The following KCNC4 variants were observed in gnomAD, a reference collection of about 807,000 sequenced individuals.
KCNC4 encodes the protein voltage-gated potassium channel KCNC4.
A neutral mutation model predicts 42.8 loss-of-function variants in KCNC4; 23 were observed. That is an observed-to-expected ratio of 0.54 (90% CI 0.39 to 0.76). The LOEUF is 0.76. KCNC4 is among the 30% of genes least tolerant of loss of function. The pLI, the probability that KCNC4 is intolerant of heterozygous loss-of-function variation, is 0.00. For missense variants in KCNC4, 751 were observed against 898.2 expected, an observed-to-expected ratio of 0.84 and a Z score of 2.10; for synonymous variants, 422 against 393.5, an observed-to-expected ratio of 1.07 and a Z score of -0.86.
At chr1:110,276,667 C>A (rs1230208156) in intron 1 of KCNC4, among the ~76,000 whole-genome samples, 1 of 152,134 alleles carries the variant, frequency 6.6e-6, no homozygotes, top group Non-Finnish European at 1.5e-5. Flanking sequence ...GATTTACCAT[C>A]AATCTCTTAG....
chr1:110,257,720 C>CAAAAAAAAAAAAAAAAAAAAAAA (rs56333861), intron 1 of KCNC4, among the ~76,000 whole-genome samples: 1 of 91,010 alleles, frequency 1.1e-5, no homozygotes, highest in African/African-American at 5.0e-5. Context: ...GACTCCGTCT[C>CAAAAAAAAAAAAAAAAAAAAAAA]AAAAAAAAAA....
chr1:110,235,600 C>G (rs1658888072), downstream of KCNC4: 1 of 152,202 alleles, frequency 6.6e-6, no homozygotes, highest in Admixed American at 6.5e-5. Context: ...CCGTTTCAGG[C>G]TGCTGGAAGA....
intron 1 of KCNC4, among the ~76,000 whole-genome samples, chr1:110,273,271 C>G (rs964987136): frequency 6.6e-5 from 10 of 152,178 alleles, no homozygotes; most frequent in African/African-American, 4.8e-5. Flanking sequence ...GGGCCTGACC[C>G]TAGGCTTGGT....
intron 1 of KCNC4, among the ~76,000 whole-genome samples, chr1:110,261,618 G>A (rs1410123868): frequency 1.3e-5 from 2 of 152,188 alleles, no homozygotes; most frequent in Middle Eastern, 3.2e-3. Context: ...AATAAAAAGA[G>A]GGATCTGGTG....
chr1:110,216,590 G>A (rs1447849937), intron 1 of KCNC4, among the ~76,000 whole-genome samples: 12 of 152,200 alleles, frequency 7.9e-5, no homozygotes, highest in South Asian at 2.1e-4. Context: ...GAAAGTAAAC[G>A]AGCTATTTTG....
At chr1:110,212,585 G>T (rs963819101) in intron 1 of KCNC4, among the ~76,000 whole-genome samples, 1 of 152,154 alleles carries the variant, frequency 6.6e-6, no homozygotes, top group Non-Finnish European at 1.5e-5. Context: ...GGCAGGCAGG[G>T]TTGAGAGGAA....
intron 3 of KCNC4, among the ~76,000 whole-genome samples, chr1:110,230,539 G>A (rs1571054393): frequency 6.6e-6 from 1 of 152,222 alleles, no homozygotes; most frequent in African/African-American, 2.4e-5. Context: ...AAGTTGTCAG[G>A]AGCCCAAGTT....
downstream of KCNC4, among the ~76,000 whole-genome samples, chr1:110,253,075 C>A (rs1051169674): frequency 1.3e-5 from 2 of 152,200 alleles, no homozygotes; most frequent in Non-Finnish European, 1.5e-5. Context: ...TCTTCCCCAG[C>A]CCCATCTTCT....
intron 1 of KCNC4, among the ~76,000 whole-genome samples, chr1:110,269,189 A>G (rs1659599079): frequency 6.6e-6 from 1 of 152,066 alleles, no homozygotes; most frequent in Non-Finnish European, 1.5e-5. Context: ...ATTCAGGTTT[A>G]TTAAAGTGCA....
At chr1:110,228,685 C>T (rs1263724703) in intron 3 of KCNC4, 1 of 151,936 alleles carries the variant, frequency 6.6e-6, no homozygotes, top group Non-Finnish European at 1.5e-5. Flanking sequence ...ACCCCCTGGT[C>T]ACTCTGCCCC....
At chr1:110,251,018 C>T (rs139743568), downstream of KCNC4, among the ~76,000 whole-genome samples, 567 of 152,260 alleles carry the variant, frequency 3.7e-3, 5 homozygotes, top group Middle Eastern at 0.01. Flanking sequence ...GGAGACAGGT[C>T]CTAGGCAAAC....
chr1:110,253,034 A>C (rs934181692), downstream of KCNC4, among the ~76,000 whole-genome samples: 2 of 151,932 alleles, frequency 1.3e-5, no homozygotes, highest in Admixed American at 6.6e-5. Flanking sequence ...TGGGGCCTCC[A>C]TGCTTTTGCT....
chr1:110,214,709 C>T (rs1657680527), intron 1 of KCNC4, among the ~76,000 whole-genome samples: 1 of 152,230 alleles, frequency 6.6e-6, no homozygotes, highest in Non-Finnish European at 1.5e-5. Context: ...GTGATTACAA[C>T]ACCTTCTTTC....
At chr1:110,212,250 G>A (rs1657515453) in intron 1 of KCNC4, 73 bp downstream of exon 1, 3 of 1,332,414 alleles carry the variant, frequency 2.3e-6, no homozygotes, top group Admixed American at 4.0e-5. Flanking sequence ...GGTAGGGGCC[G>A]GGAGGAGCAG....
chr1:110,211,393 C>A lies in KCNC4; in HGVS notation c.-107C>A. 1 of 1,458,086 alleles carries A rather than the reference C, an allele frequency of 6.9e-7. No homozygotes were observed. The highest frequency in any genetic ancestry group is 1.4e-5 in the South Asian group (1 of 71,728). The allele number at this position is 1,458,086 out of a possible 1,614,324, so 90.3% of individuals were successfully genotyped here. ...GCCGCAGAGGGGGCCGCCACCGCCT[C>A]CTGCCTCCTCTTCGTCTCCTCCCCC... On this transcript the variant is annotated 5_prime_UTR_variant, in exon 1 of 4. Transcript: ENST00000438661. The surrounding 1 kb of genome is among the most constrained non-coding windows in gnomAD (Gnocchi z 6.5).
At chr1:110,235,320 A>C (rs1358315454), downstream of KCNC4, 1 of 152,232 alleles carries the variant, frequency 6.6e-6, no homozygotes. Flanking sequence ...GAGGGCAAAC[A>C]GTGGCTGTGG....
chr1:110,240,123 A>C (rs1252873549), exon 4 of KCNC4: 1 of 152,262 alleles, frequency 6.6e-6, no homozygotes, highest in African/African-American at 2.4e-5. Flanking sequence ...GGGAGTGGGA[A>C]ACGGGGAAAG....
exon 4 of KCNC4, chr1:110,244,162 T>A (rs1187149692): frequency 6.6e-6 from 1 of 152,090 alleles, no homozygotes; most frequent in Non-Finnish European, 1.5e-5. Flanking sequence ...AAATGGAGGT[T>A]TAGGAATCTA....
At chr1:110,269,438 G>A (rs570063378) in intron 1 of KCNC4, among the ~76,000 whole-genome samples, 2 of 152,272 alleles carry the variant, frequency 1.3e-5, no homozygotes, top group African/African-American at 4.8e-5. Flanking sequence ...GAAATCTGGA[G>A]TCTGGCTTCT....
Sources: allele counts gnomAD v4.1 joint callset (sites outside exome capture counted in the v4.1 genomes callset), GRCh38; gene constraint gnomAD v4.1.1; non-coding constraint Gnocchi (gnomAD v3.1); transcripts MANE v1.5; gene names NCBI Gene and HGNC (gene_info 2026-07-23, HGNC 2026-07-21).